MARCHF3: variants seen among roughly 807,000 people sequenced by gnomAD.
MARCHF3 encodes E3 ubiquitin-protein ligase MARCHF3.
Under a neutral mutation model 24.2 loss-of-function variants are expected in MARCHF3, and 13 were observed. The ratio of observed to expected loss-of-function variants is 0.54; its 90% CI spans 0.35 to 0.85. MARCHF3 has a LOEUF of 0.85. Among genes scored for constraint, MARCHF3 ranks in the 40% least tolerant of loss-of-function variants. The probability of loss-of-function intolerance (pLI) is 0.01; values close to 1 mark genes in which losing one functional copy is unlikely to be tolerated. For missense variants in MARCHF3, 276 were observed against 325.0 expected (o/e 0.85, Z 1.16); for synonymous variants, 144 against 137.3 (o/e 1.05, Z -0.34).
At chr5:126,905,866 G>T (rs1335881116) in intron 3 of MARCHF3, among the ~76,000 whole-genome samples, 1 of 152,154 alleles carries the variant, frequency 6.6e-6, no homozygotes, top group Non-Finnish European at 1.5e-5. Context: ...AATAGAAGTG[G>T]TGAGAGAGGG....
intron 3 of MARCHF3, 110 bp downstream of exon 3, chr5:126,914,820 A>C (rs1285568145): frequency 5.4e-6 from 5 of 927,294 alleles, no homozygotes; most frequent in Non-Finnish European, 8.4e-6. Flanking sequence ...ACAGTCACAT[A>C]GCTATTACCG....
intron 1 of MARCHF3, among the ~76,000 whole-genome samples, chr5:126,945,211 A>AT (rs1491224926): frequency 6.6e-6 from 1 of 152,188 alleles, no homozygotes; most frequent in African/African-American, 2.4e-5. Flanking sequence ...GAAATTGGCA[A>AT]TAGTGGGAGT....
chr5:126,998,608 AG>A (rs1391506850), intron 1 of MARCHF3, among the ~76,000 whole-genome samples: 10 of 152,308 alleles, frequency 6.6e-5, no homozygotes, highest in African/African-American at 2.4e-4. Flanking sequence ...GAGAACAGGC[AG>A]GGAGGTGGGG....
At chr5:127,029,838 C>G (rs551922440) in intron 1 of MARCHF3, 104 of 152,426 alleles carry the variant, frequency 6.8e-4, no homozygotes, top group African/African-American at 2.4e-3. Context: ...CAGCAGTGCT[C>G]TCAATTCCTC....
At chr5:126,906,181 G>GTTT (rs1472121000) in intron 3 of MARCHF3, among the ~76,000 whole-genome samples, 3 of 150,872 alleles carry the variant, frequency 2.0e-5, no homozygotes, top group Non-Finnish European at 4.4e-5. Flanking sequence ...TGATCATGGT[G>GTTT]GATAAGCTTT....
At chr5:127,019,592 C>T (rs1270246355) in intron 1 of MARCHF3, among the ~76,000 whole-genome samples, 1 of 152,178 alleles carries the variant, frequency 6.6e-6, no homozygotes, top group African/African-American at 2.4e-5. Flanking sequence ...CTCCAAGTAA[C>T]ATCTAAACTG....
At chr5:126,910,598 T>C (rs1215348055) in intron 3 of MARCHF3, among the ~76,000 whole-genome samples, 1 of 152,248 alleles carries the variant, frequency 6.6e-6, no homozygotes, top group East Asian at 1.9e-4. Flanking sequence ...TTCTTACGCC[T>C]GTCTTTACTG....
chr5:127,010,237 G>T (rs139160227), intron 1 of MARCHF3, among the ~76,000 whole-genome samples: 28 of 152,262 alleles, frequency 1.8e-4, no homozygotes, highest in African/African-American at 6.3e-4. Context: ...GTGGTAAGGG[G>T]TTACACAAGG....
intron 1 of MARCHF3, among the ~76,000 whole-genome samples, chr5:126,982,592 A>G (rs1427307362): frequency 6.6e-6 from 1 of 152,188 alleles, no homozygotes; most frequent in Non-Finnish European, 1.5e-5. Context: ...GATCTACTAG[A>G]TGGCCACAGT....
chr5:126,894,810 G>T (rs1753815381), intron 3 of MARCHF3, among the ~76,000 whole-genome samples: 1 of 152,054 alleles, frequency 6.6e-6, no homozygotes, highest in East Asian at 1.9e-4. Context: ...TTCTCGAGGA[G>T]TATCTTTGTG....
At chr5:126,934,851 C>T (rs759339261) in intron 1 of MARCHF3, among the ~76,000 whole-genome samples, 1 of 152,156 alleles carries the variant, frequency 6.6e-6, no homozygotes, top group Non-Finnish European at 1.5e-5. Context: ...TCTTCTCATC[C>T]TGTCTACCAG....
Position 126,870,428 on chromosome 5 carries a change from A to G in MARCHF3, c.*205T>C. ...TTGGCAGCTTAGCAAATATCATATG[A>G]TTGCAGCATCCATCATTTGAAGTAA... On this transcript the variant is annotated 3_prime_UTR_variant, in exon 5 of 5. Transcript: ENST00000308660. 1 of 487,754 alleles carries G rather than the reference A, an allele frequency of 2.1e-6. No individual in the cohort carries two copies. The allele number at this position is 487,754 out of a possible 1,614,324, so 30.2% of individuals were successfully genotyped here. A position where few individuals can be genotyped will look rare whatever the true frequency, so the allele number is the denominator to read the frequency against.
intron 1 of MARCHF3, among the ~76,000 whole-genome samples, chr5:126,985,614 G>A (rs61270363): frequency 0.016 from 2,379 of 151,736 alleles, 58 homozygotes; most frequent in African/African-American, 0.051. Flanking sequence ...GACTACAGGC[G>A]CCCGCCACCA....
intron 1 of MARCHF3, among the ~76,000 whole-genome samples, chr5:127,029,638 G>C (rs1439650243): frequency 6.6e-6 from 1 of 152,144 alleles, no homozygotes; most frequent in Admixed American, 6.5e-5. Context: ...AACCGACCAG[G>C]CTGGCAATCC....
intron 3 of MARCHF3, among the ~76,000 whole-genome samples, chr5:126,904,547 T>C (rs112552722): frequency 0.033 from 4,910 of 148,024 alleles, 663 homozygotes; most frequent in African/African-American, 0.12. Flanking sequence ...CTTTGATTTG[T>C]GTTTCTCTGA....
At chr5:126,999,641 G>T (rs1037871794) in intron 1 of MARCHF3, among the ~76,000 whole-genome samples, 3 of 152,132 alleles carry the variant, frequency 2.0e-5, no homozygotes, top group African/African-American at 7.2e-5. Flanking sequence ...CACTTTAGGG[G>T]GGCAGAGAGA....
At chr5:126,970,768 C>T (rs750745565) in intron 1 of MARCHF3, among the ~76,000 whole-genome samples, 2 of 152,212 alleles carry the variant, frequency 1.3e-5, no homozygotes, top group Non-Finnish European at 2.9e-5. Flanking sequence ...ACCTCTACTT[C>T]CAGTTTCTTC....
chr5:126,949,889 A>G (rs1750160345), intron 1 of MARCHF3, among the ~76,000 whole-genome samples: 1 of 152,188 alleles, frequency 6.6e-6, no homozygotes, highest in Non-Finnish European at 1.5e-5. Flanking sequence ...AGCTTCTGTG[A>G]TCCTATCAGC....
chr5:126,978,279 A>T (rs145618479), intron 1 of MARCHF3, among the ~76,000 whole-genome samples: 308 of 152,340 alleles, frequency 2.0e-3, no homozygotes, highest in Middle Eastern at 0.014. Flanking sequence ...AGGGCCAAGG[A>T]GAGAGAGACT....
Sources: allele counts gnomAD v4.1 joint callset (sites outside exome capture counted in the v4.1 genomes callset), GRCh38; gene constraint gnomAD v4.1.1; transcripts MANE v1.5; gene names NCBI Gene and HGNC (gene_info 2026-07-23, HGNC 2026-07-21).